The following ACAP2 variants were observed in gnomAD, a reference collection of about 807,000 sequenced individuals.
ACAP2 encodes the protein arf-GAP with coiled-coil, ANK repeat and PH domain-containing protein 2.
ACAP2 carries 39 observed loss-of-function variants against 115.8 expected under a neutral mutation model. That is an observed-to-expected ratio of 0.34 (90% CI 0.26 to 0.44). The LOEUF is 0.44. Ranked by LOEUF, ACAP2 falls within the 20% of genes least tolerant of loss-of-function variation. The pLI is 1.00. For missense variants in ACAP2, 662 were observed against 927.6 expected, an observed-to-expected ratio of 0.71 and a Z score of 3.72; for synonymous variants, 289 against 315.8, an observed-to-expected ratio of 0.92 and a Z score of 0.90.
intron 1 of ACAP2, among the ~76,000 whole-genome samples, chr3:195,410,003 T>G (rs903461037): frequency 1.3e-4 from 20 of 151,724 alleles, no homozygotes; most frequent in Non-Finnish European, 2.9e-4. Context: ...ACTGGAGGAT[T>G]CACACTTTCT....
At chr3:195,283,961 A>G (rs557929944) in intron 22 of ACAP2, among the ~76,000 whole-genome samples, 1 of 152,210 alleles carries the variant, frequency 6.6e-6, no homozygotes, top group East Asian at 1.9e-4. Flanking sequence ...GTATATATAA[A>G]CTCAAAAATG....
intron 1 of ACAP2, among the ~76,000 whole-genome samples, chr3:195,422,847 C>T (rs78957342): frequency 0.028 from 4,298 of 152,150 alleles, 188 homozygotes; most frequent in African/African-American, 0.096. Context: ...GCCTCAGATA[C>T]GACTGAGACT....
chr3:195,429,916 A>G (rs1039368979), intron 1 of ACAP2, among the ~76,000 whole-genome samples: 3 of 152,238 alleles, frequency 2.0e-5, no homozygotes, highest in Non-Finnish European at 2.9e-5. Context: ...AGAAACATAG[A>G]TGAAACAAGA....
intron 22 of ACAP2, among the ~76,000 whole-genome samples, chr3:195,281,297 C>T (rs879505127): frequency 4.0e-5 from 6 of 151,638 alleles, no homozygotes; most frequent in East Asian, 1.9e-4. Context: ...CCCAGCTACT[C>T]GGGAGGCCAA....
chr3:195,322,655 C>A (rs995330935), intron 9 of ACAP2, among the ~76,000 whole-genome samples: 1 of 152,046 alleles, frequency 6.6e-6, no homozygotes. Context: ...TTTGACGCTA[C>A]AATTTATTTA....
chr3:195,411,148 G>A (rs1413409170), intron 1 of ACAP2: 3 of 189,654 alleles, frequency 1.6e-5, no homozygotes, highest in South Asian at 1.3e-4. Context: ...CAATGAGGAC[G>A]TGGAGTCACT....
At chr3:195,320,852 A>C (rs766144412) in intron 9 of ACAP2, 39 bp from the exon 10 acceptor site, 1 of 1,402,874 alleles carries the variant, frequency 7.1e-7, no homozygotes, top group Non-Finnish European at 1.0e-6. Context: ...ATATGACTTG[A>C]CTAAGTTTCC....
At chr3:195,384,910 A>G (rs909282806) in intron 2 of ACAP2, among the ~76,000 whole-genome samples, 3 of 152,204 alleles carry the variant, frequency 2.0e-5, no homozygotes, top group Non-Finnish European at 4.4e-5. Context: ...CATAAAAACA[A>G]AGAGAGACAG....
At chr3:195,324,940 T>C (rs1269231423) in intron 9 of ACAP2, among the ~76,000 whole-genome samples, 1 of 152,026 alleles carries the variant, frequency 6.6e-6, no homozygotes, top group African/African-American at 2.4e-5. Flanking sequence ...TGATCAAACA[T>C]CAGGCAGCCT....
chr3:195,291,086 G>A (rs1025711489), intron 20 of ACAP2, among the ~76,000 whole-genome samples: 13 of 151,864 alleles, frequency 8.6e-5, no homozygotes, highest in Non-Finnish European at 1.6e-4. Context: ...CATAATAATC[G>A]GATACCCTGA....
chr3:195,376,406 T>C (rs1733543836), intron 4 of ACAP2, among the ~76,000 whole-genome samples: 1 of 151,596 alleles, frequency 6.6e-6, no homozygotes, highest in African/African-American at 2.4e-5. Flanking sequence ...TATATATATA[T>C]TGTGATAAAA....
In ACAP2 at chr3:195,333,101, T is replaced by C. The variant is rs750950926; in HGVS notation, c.596A>G (p.His199Arg). The part of the protein sequence containing the change: ...LKSMLSFMYA[H>R]LAFFHQGYDL... ...ATATCCTTGATGAAAGAAGGCCAAATGGGCATACATAAATGACAACATCTA... is the reference window on the plus strand; with the variant it reads ...ATATCCTTGATGAAAGAAGGCCAAACGGGCATACATAAATGACAACATCTA... The change falls in exon 8 of 23, where the codon CAT becomes CGT. Residue 199 changes from histidine to arginine, a missense_variant. By Grantham distance (29) the His-to-Arg change is conservative (BLOSUM62 0). This residue lies in a region of ACAP2 where 401 missense variants were observed against 604.4 expected (regional missense o/e 0.66). Coordinates refer to ENST00000326793, the MANE Select transcript of ACAP2 (RefSeq NM_012287.6). 8.1e-5 allele frequency: 130 copies of C among 1,606,690 alleles called. No individual in the cohort carries two copies. The highest frequency in any genetic ancestry group is 1.1e-4 in the Non-Finnish European group (126 of 1,176,692).
chr3:195,430,236 C>A (rs891011846), intron 1 of ACAP2, among the ~76,000 whole-genome samples: 2 of 152,146 alleles, frequency 1.3e-5, no homozygotes, highest in African/African-American at 4.8e-5. Context: ...ATAAAGGACA[C>A]AAAATAAATC....
At chr3:195,282,122 T>C (rs957330738) in intron 22 of ACAP2, 10 of 152,242 alleles carry the variant, frequency 6.6e-5, no homozygotes, top group African/African-American at 2.4e-4. Flanking sequence ...TGGCAATATA[T>C]GGCTTCTACT....
chr3:195,307,323 C>G lies in ACAP2; in HGVS notation c.910G>C (p.Asp304His). 6.2e-7 allele frequency: 1 copy of G among 1,603,194 alleles called. No individual in the cohort carries two copies. The highest frequency in any genetic ancestry group is 1.1e-5 in the South Asian group (1 of 89,150). The stretch of plus-strand genomic sequence containing the variant: ...TCTTCAACTACCACAGTCGGATTAT[C>G]CTATAGTGAGGAAACCAAATTTCCA... Reference protein sequence around the residue: ...NQLVYQKKFKDNPTVVVEDLR... With the variant: ...NQLVYQKKFKHNPTVVVEDLR... The change falls in exon 12 of 23, where the codon GAT (aspartate) becomes CAT (histidine). Residue 304 changes from aspartate (D) to histidine (H), a missense_variant and splice_region_variant. Coordinates refer to ENST00000326793, the MANE Select transcript of ACAP2 (RefSeq NM_012287.6).
chr3:195,442,749 C>T (rs1345067642), intron 1 of ACAP2, 46 bp downstream of exon 1: 5 of 1,524,002 alleles, frequency 3.3e-6, no homozygotes, highest in Non-Finnish European at 4.4e-6. Context: ...GCCCCCAGCG[C>T]CGGGAAGGCA....
intron 4 of ACAP2, among the ~76,000 whole-genome samples, chr3:195,361,287 T>G (rs1283368789): frequency 6.6e-6 from 1 of 151,858 alleles, no homozygotes; most frequent in East Asian, 1.9e-4. Context: ...AATACAAAAA[T>G]TAGCCAGGTG....
At position 195,292,351 on chromosome 3, in the gene ACAP2, C is replaced by T; in HGVS notation, c.1867G>A (p.Ala623Thr). Reference sequence around the variant, plus strand: ...TCTGCACCATGAGCCAAAGCCTCAGCCATTTTAGGAAGGTTTTTTTCATAT... The same window carrying T: ...TCTGCACCATGAGCCAAAGCCTCAGTCATTTTAGGAAGGTTTTTTTCATAT... Reference protein sequence around the residue: ...ASYEKNLPKMAEALAHGADVN... With the variant: ...ASYEKNLPKMTEALAHGADVN... Residue 623 changes from alanine to threonine, a missense_variant, in exon 19 of 23, where the codon GCT (alanine) becomes ACT (threonine). Ala to Thr is a moderately conservative substitution (Grantham distance 58). Transcript: ENST00000326793. 6.2e-7 allele frequency: 1 copy of T among 1,613,988 alleles called. No homozygotes were observed.
rs190502896 is a variant in ACAP2 at position 195,387,470 on chromosome 3, T to C, written c.111+4620A>G. ...ATATTGCTATAATAATAAGAAATAATATAAGTAAAACATAAGACTTTGTAT... is the reference window on the plus strand; with the variant it reads ...ATATTGCTATAATAATAAGAAATAACATAAGTAAAACATAAGACTTTGTAT... On this transcript the variant is annotated intron_variant, in intron 2 of 22. Coordinates refer to ENST00000326793, the MANE Select transcript of ACAP2 (RefSeq NM_012287.6). Among the ~76,000 whole-genome samples, 90 of 152,284 alleles carry C rather than the reference T, an allele frequency of 5.9e-4. 1 individual carries two copies. The highest frequency in any genetic ancestry group is 9.9e-4 in the Non-Finnish European group (67 of 68,014).
Sources: gnomAD v4.1 joint callset for allele counts (sites outside exome capture counted in the v4.1 genomes callset) on GRCh38, gnomAD v4.1.1 for gene constraint, gnomAD v4.1.1 regional missense constraint, MANE v1.5 for transcripts, NCBI Gene and HGNC (gene_info 2026-07-23, HGNC 2026-07-21) for gene names.